CCDC7: variants seen among roughly 807,000 people sequenced by gnomAD.
The protein encoded by CCDC7 is coiled-coil domain-containing protein 7.
Under a neutral mutation model 196.9 loss-of-function variants are expected in CCDC7, and 183 were observed. The ratio of observed to expected loss-of-function variants is 0.93; its 90% confidence interval spans 0.82 to 1.05. The LOEUF (loss-of-function observed/expected upper bound fraction) is 1.05, where lower values mean the gene tolerates loss of function less well. Among genes scored for constraint, CCDC7 ranks in the 50% least tolerant of loss-of-function variants. CCDC7 has a pLI of 0.00. For missense variants in CCDC7, 1,540 were observed against 1,482.2 expected (o/e 1.04, Z -0.64); for synonymous variants, 525 against 484.6 (o/e 1.08, Z -1.10).
intron 9 of CCDC7, among the ~76,000 whole-genome samples, chr10:32,501,103 G>A (rs2043959093): frequency 1.3e-5 from 2 of 151,968 alleles, no homozygotes; most frequent in South Asian, 2.1e-4. Flanking sequence ...GTCTAATCTT[G>A]TCTTCTTGCT....
intron 16 of CCDC7, among the ~76,000 whole-genome samples, chr10:32,580,973 T>C (rs987269652): frequency 1.3e-5 from 2 of 152,130 alleles, no homozygotes; most frequent in Non-Finnish European, 2.9e-5. Flanking sequence ...GATTTAAGAA[T>C]TATGAAGTGT....
At chr10:32,708,953 CA>C (rs916721350) in intron 24 of CCDC7, among the ~76,000 whole-genome samples, 5 of 152,178 alleles carry the variant, frequency 3.3e-5, no homozygotes, top group Non-Finnish European at 7.3e-5. Flanking sequence ...CCATTTGACC[CA>C]GCACTCCCAT....
downstream of CCDC7, among the ~76,000 whole-genome samples, chr10:32,881,212 T>C (rs2094779271): frequency 6.6e-6 from 1 of 152,136 alleles, no homozygotes. Flanking sequence ...GGGGAGTTCC[T>C]AGGTACCAGT....
At chr10:32,636,848 G>C (rs1020982363) in intron 20 of CCDC7, among the ~76,000 whole-genome samples, 2 of 152,180 alleles carry the variant, frequency 1.3e-5, no homozygotes, top group African/African-American at 4.8e-5. Context: ...CCCACCAACA[G>C]TGTAAAAGTG....
intron 8 of CCDC7, among the ~76,000 whole-genome samples, chr10:32,479,080 T>C (rs1040406749): frequency 1.3e-5 from 2 of 152,192 alleles, no homozygotes; most frequent in African/African-American, 4.8e-5. Flanking sequence ...TCAAATTTGT[T>C]AGCATAAGTT....
chr10:32,565,602 A>G, exon 14 of CCDC7: 1 of 1,610,144 alleles, frequency 6.2e-7, no homozygotes, highest in Non-Finnish European at 8.5e-7. Flanking sequence ...TTCAGGAGCA[A>G]TTGAAACAGG....
At chr10:32,559,525 C>G (rs528683565) in intron 13 of CCDC7, among the ~76,000 whole-genome samples, 146 of 152,368 alleles carry the variant, frequency 9.6e-4, no homozygotes, top group Non-Finnish European at 1.6e-3. Context: ...TGAAAATCCG[C>G]TGTTGTGCAG....
intron 13 of CCDC7, among the ~76,000 whole-genome samples, chr10:32,564,221 A>C (rs888220474): frequency 9.2e-5 from 14 of 152,304 alleles, no homozygotes; most frequent in South Asian, 8.3e-4. Flanking sequence ...AACTAGTTCA[A>C]CCATTGTGGA....
Position 32,656,758 on chromosome 10 carries a change from C to T in CCDC7, c.2015-7296C>T, listed in dbSNP as rs200574375. ...TCTCATGTCCTCACATTTCAAAACA[C>T]AATCATGCCCTTCCAACAGTCCCCC... On this transcript the variant is annotated intron_variant, in intron 20 of 41. Transcript: ENST00000639629. Among the ~76,000 whole-genome samples, 18 of 152,302 alleles carry T rather than the reference C, an allele frequency of 1.2e-4. No homozygotes were observed. The East Asian group carries it at 2.9e-3, about 25-fold the overall frequency.
At chr10:32,716,798 C>G (rs752166457) in intron 25 of CCDC7, among the ~76,000 whole-genome samples, 6 of 152,064 alleles carry the variant, frequency 3.9e-5, no homozygotes, top group African/African-American at 1.4e-4. Flanking sequence ...AAAAAGACAA[C>G]GAAGAGCATT....
chr10:32,572,897 A>G (rs1034876337), intron 16 of CCDC7, among the ~76,000 whole-genome samples: 2 of 111,948 alleles, frequency 1.8e-5, no homozygotes, highest in Non-Finnish European at 1.7e-5. Flanking sequence ...TTTTCTTCAG[A>G]TGGAGTCTCG....
At position 32,554,645 on chromosome 10, in the gene CCDC7, T is replaced by C. The variant is rs566960047; in HGVS notation, c.1134+10344T>C. Among the ~76,000 whole-genome samples the C allele has an allele frequency of 1.3e-4, 20 of 152,350 alleles. 1 individual carries two copies. The highest frequency in any genetic ancestry group is 4.1e-4 in the South Asian group (2 of 4,826). Reference sequence around the variant, plus strand: ...GGGTCTCCCTTTCCTGCTTCCGCAGTTGGGGCACTCACAGTATTTGGGGTG... The same window carrying C: ...GGGTCTCCCTTTCCTGCTTCCGCAGCTGGGGCACTCACAGTATTTGGGGTG... On this transcript the variant is annotated intron_variant, in intron 13 of 41. Coordinates refer to ENST00000639629, the Ensembl canonical transcript of CCDC7.
chr10:32,760,583 T>C (rs11819673), intron 28 of CCDC7, among the ~76,000 whole-genome samples: 8,045 of 151,796 alleles, frequency 0.053, 714 homozygotes, highest in African/African-American at 0.18. Context: ...CATCACACAC[T>C]GGGGCCTGTT....
chr10:32,498,764 A>T (rs1444816561), intron 9 of CCDC7, among the ~76,000 whole-genome samples: 4 of 150,612 alleles, frequency 2.7e-5, no homozygotes, highest in Non-Finnish European at 5.9e-5. Flanking sequence ...TGTTAGTCTG[A>T]TGGGCTTCCT....
chr10:32,791,484 A>G (rs2134645654), intron 29 of CCDC7, among the ~76,000 whole-genome samples: 1 of 152,242 alleles, frequency 6.6e-6, no homozygotes, highest in African/African-American at 2.4e-5. Flanking sequence ...GATCAAGAAA[A>G]TAATTCATCA....
At chr10:32,467,506 G>A (rs2037083773) in intron 5 of CCDC7, among the ~76,000 whole-genome samples, 1 of 152,210 alleles carries the variant, frequency 6.6e-6, no homozygotes, top group South Asian at 2.1e-4. Flanking sequence ...CAGGTGAATG[G>A]TTTGCAAATG....
At chr10:32,456,180 A>G in intron 2 of CCDC7, 71 bp from the exon 4 acceptor site, 1 of 1,328,478 alleles carries the variant, frequency 7.5e-7, no homozygotes, top group Non-Finnish European at 9.8e-7. Context: ...AAAAGTAAAT[A>G]TGCTAGAAAA....
intron 24 of CCDC7, among the ~76,000 whole-genome samples, chr10:32,696,704 G>A (rs537490191): frequency 2.0e-5 from 3 of 152,250 alleles, no homozygotes; most frequent in South Asian, 2.1e-4. Flanking sequence ...AGTCCTTATT[G>A]TTGGGTAACC....
chr10:32,445,220 A>T (rs1476220432), upstream of CCDC7, among the ~76,000 whole-genome samples: 2 of 152,164 alleles, frequency 1.3e-5, no homozygotes, highest in Non-Finnish European at 2.9e-5. Context: ...ACACCAGAAG[A>T]TGTGTTGTTT....
Sources: allele counts gnomAD v4.1 joint callset (sites outside exome capture counted in the v4.1 genomes callset), GRCh38; gene constraint gnomAD v4.1.1; transcripts MANE v1.5; gene names NCBI Gene and HGNC (gene_info 2026-07-23, HGNC 2026-07-21).